The following CUBN variants were observed in gnomAD, a reference collection of about 807,000 sequenced individuals.
The protein encoded by CUBN is cubilin, also known as 460 kDa receptor.
CUBN carries 282 observed loss-of-function variants against 405.3 expected under a neutral mutation model. That is an observed-to-expected ratio of 0.70 (90% CI 0.63 to 0.77). The LOEUF is 0.77. Ranked by LOEUF, CUBN falls within the 30% of genes least tolerant of loss-of-function variation. The pLI is 0.00. For missense variants in CUBN, 4,514 were observed against 4,475.2 expected, an observed-to-expected ratio of 1.01 and a Z score of -0.25; for synonymous variants, 1,684 against 1,617.0, an observed-to-expected ratio of 1.04 and a Z score of -0.99.
intron 66 of CUBN, among the ~76,000 whole-genome samples, chr10:16,826,453 AGTT>A (rs761191851): frequency 1.5e-4 from 23 of 152,216 alleles, no homozygotes; most frequent in Non-Finnish European, 3.2e-4. Flanking sequence ...ACTTACAAAA[AGTT>A]GTATGTAAAT....
At chr10:17,059,681 G>T (rs1404517921) in intron 22 of CUBN, among the ~76,000 whole-genome samples, 1 of 152,150 alleles carries the variant, frequency 6.6e-6, no homozygotes, top group African/African-American at 2.4e-5. Flanking sequence ...TATAATTACA[G>T]GTTCAGTTTC....
rs983372489 is a variant in CUBN at position 16,863,577 on chromosome 10, C to T, written c.9454+6059G>A. On this transcript the variant is annotated intron_variant, in intron 59 of 66. Transcript: ENST00000377833. ...GAGACATATACATATATTTTTTATGCCATTGAATTTTTAAGTTTATTCTTG... is the reference window on the plus strand; with the variant it reads ...GAGACATATACATATATTTTTTATGTCATTGAATTTTTAAGTTTATTCTTG... Among the ~76,000 whole-genome samples, 4 of 152,090 alleles carry T rather than the reference C, an allele frequency of 2.6e-5. No homozygotes were observed. The South Asian group carries it at 8.3e-4, about 32-fold the overall frequency.
intron 31 of CUBN, among the ~76,000 whole-genome samples, chr10:16,977,378 G>T (rs1216744394): frequency 2.6e-5 from 4 of 152,122 alleles, no homozygotes; most frequent in Non-Finnish European, 4.4e-5. Flanking sequence ...AAGAGCAGAG[G>T]AGCAGAAGAG....
chr10:16,890,342 C>T lies in CUBN; in HGVS notation c.8755+29G>A, dbSNP rs559613166. On this transcript the variant is annotated intron_variant, in intron 55 of 66. Coordinates refer to ENST00000377833, the MANE Select transcript of CUBN (RefSeq NM_001081.4). ...GTGACAACCACACTCCCGCAAAGAC[C>T]TCTGGGTTTGGTTCTTAGGGCTACT... is the stretch of plus-strand genomic sequence containing the variant. 4.7e-5 allele frequency: 76 copies of T among 1,611,830 alleles called. No individual in the cohort carries two copies. In the South Asian group the frequency reaches 5.7e-4, roughly 12 times the overall value.
chr10:16,892,311 C>T (rs1375695897), intron 54 of CUBN, among the ~76,000 whole-genome samples: 1 of 151,952 alleles, frequency 6.6e-6, no homozygotes, highest in African/African-American at 2.4e-5. Flanking sequence ...GATATTCTGC[C>T]AAATGCCTAA....
At chr10:17,004,205 C>T (rs896718160) in intron 28 of CUBN, among the ~76,000 whole-genome samples, 2 of 152,198 alleles carry the variant, frequency 1.3e-5, no homozygotes, top group Non-Finnish European at 2.9e-5. Context: ...ATAGGCACCT[C>T]ACAGTTCAGC....
chr10:16,945,767 CAAAAAAAAAAA>C (rs61141075), intron 36 of CUBN, among the ~76,000 whole-genome samples: 2 of 81,384 alleles, frequency 2.5e-5, no homozygotes, highest in African/African-American at 9.3e-5. Context: ...ACTGTGTCTC[CAAAAAAAAAAA>C]AAAAAAAAAA....
intron 30 of CUBN, 26 bp from the exon 31 acceptor site, chr10:16,982,679 C>A (rs755864960): frequency 2.3e-5 from 36 of 1,599,844 alleles, no homozygotes; most frequent in Non-Finnish European, 2.8e-5. Flanking sequence ...ACAATTATTT[C>A]ATGAGAGGAA....
chr10:16,956,859 A>G (rs918714711), intron 31 of CUBN, among the ~76,000 whole-genome samples: 1 of 151,994 alleles, frequency 6.6e-6, no homozygotes, highest in Non-Finnish European at 1.5e-5. Context: ...ATGAATATAT[A>G]CAGTTTATAT....
intron 42 of CUBN, 34 bp downstream of exon 42, chr10:16,925,550 A>C (rs769862227): frequency 4.3e-6 from 7 of 1,613,224 alleles, no homozygotes; most frequent in Non-Finnish European, 5.9e-6. Context: ...AGTCTATGGA[A>C]AATGTAATTA....
intron 51 of CUBN, among the ~76,000 whole-genome samples, chr10:16,902,445 C>A (rs146563383): frequency 9.4e-5 from 14 of 149,630 alleles, no homozygotes; most frequent in African/African-American, 2.2e-4. Flanking sequence ...AAATTCCATA[C>A]GGTATTAGCA....
intron 31 of CUBN, among the ~76,000 whole-genome samples, chr10:16,976,158 G>T (rs1264599156): frequency 6.6e-5 from 10 of 151,746 alleles, no homozygotes; most frequent in Non-Finnish European, 1.2e-4. Context: ...GTTTTGTAGA[G>T]ACAGGGTCTC....
chr10:16,920,975 A>G (rs1337183308), intron 43 of CUBN, among the ~76,000 whole-genome samples: 1 of 152,172 alleles, frequency 6.6e-6, no homozygotes, highest in African/African-American at 2.4e-5. Context: ...CCCTTTGATG[A>G]GCTCCAACTC....
chr10:16,847,026 C>G (rs187948720), intron 60 of CUBN, among the ~76,000 whole-genome samples: 1 of 152,240 alleles, frequency 6.6e-6, no homozygotes, highest in Non-Finnish European at 1.5e-5. Flanking sequence ...AGCCATCACC[C>G]TCTAGAAAGC....
chr10:16,931,739 T>G (rs1369209899), intron 40 of CUBN, among the ~76,000 whole-genome samples: 1 of 152,196 alleles, frequency 6.6e-6, no homozygotes, highest in Non-Finnish European at 1.5e-5. Context: ...TGGAGCCACT[T>G]TGTGACCTGT....
chr10:17,040,896 TACC>T, intron 27 of CUBN, 134 bp downstream of exon 27: 1 of 753,088 alleles, frequency 1.3e-6, no homozygotes, highest in Non-Finnish European at 2.3e-6. Context: ...CCTGTTCAAA[TACC>T]ATGGGTGGTT....
chr10:17,041,433 T>G (rs542854990), intron 26 of CUBN, among the ~76,000 whole-genome samples: 8 of 152,064 alleles, frequency 5.3e-5, no homozygotes, highest in Admixed American at 1.3e-4. Context: ...GGATTTCCAT[T>G]TAGAAGAAAT....
At chr10:17,123,771 A>G in intron 4 of CUBN, 82 bp from the exon 5 acceptor site, 2 of 893,116 alleles carry the variant, frequency 2.2e-6, no homozygotes, top group Non-Finnish European at 3.7e-6. Flanking sequence ...GTGGGATTAC[A>G]TTTAACTCTT....
rs558139194 is a variant in CUBN, at chr10:16,925,737, G to C, written c.6309C>G (p.Ile2103Met). 4 of 1,614,012 alleles carry C rather than the reference G, an allele frequency of 2.5e-6. No individual in the cohort carries two copies. In the African/African-American group the frequency reaches 4.0e-5, roughly 16 times the overall value. ...GGYLHADRGI[I>M]TSPKYPETYP... ...AAGTCTCTGGATACTTGGGGGACGT[G>C]ATGATCCCTCTGTCTGCATGCAAAT... The change falls in exon 42 of 67, where the codon ATC becomes ATG. Residue 2103 changes from isoleucine to methionine, a missense_variant. This residue lies in a region of CUBN where 1,613 missense variants were observed against 1,542.8 expected (regional missense o/e 1.05). Coordinates refer to ENST00000377833, the MANE Select transcript of CUBN (RefSeq NM_001081.4).
Sources: allele counts gnomAD v4.1 joint callset (sites outside exome capture counted in the v4.1 genomes callset), GRCh38; gene constraint gnomAD v4.1.1; regional missense constraint gnomAD v4.1.1; transcripts MANE v1.5; gene names NCBI Gene and HGNC (gene_info 2026-07-23, HGNC 2026-07-21).